The following DTNA variants were observed in gnomAD, a reference collection of about 807,000 sequenced individuals.
DTNA encodes dystrobrevin alpha.
Under a neutral mutation model 100.7 loss-of-function variants are expected in DTNA, and 43 were observed. That is an observed-to-expected ratio of 0.43 (90% confidence interval 0.33 to 0.55). The LOEUF is 0.55. DTNA is among the 20% of genes least tolerant of loss of function. The probability of loss-of-function intolerance (pLI) is 0.04; values close to 1 mark genes in which losing one functional copy is unlikely to be tolerated. For synonymous variants in DTNA, 349 were observed against 347.9 expected, an observed-to-expected ratio of 1.00 and a Z score of -0.04; for missense variants, 798 against 953.9, an observed-to-expected ratio of 0.84 and a Z score of 2.15.
chr18:34,848,957 A>G (rs952029606), intron 14 of DTNA, among the ~76,000 whole-genome samples: 1 of 152,180 alleles, frequency 6.6e-6, no homozygotes, highest in Admixed American at 6.5e-5. Flanking sequence ...CACCTCTCAC[A>G]TCAGATGTTG....
At chr18:34,786,244 T>A (rs1388920001) in intron 3 of DTNA, among the ~76,000 whole-genome samples, 1 of 152,214 alleles carries the variant, frequency 6.6e-6, no homozygotes, top group East Asian at 1.9e-4. Flanking sequence ...TCTCCATAAT[T>A]AACTTTTCTA....
chr18:34,574,192 A>T (rs1005336466), intron 1 of DTNA: 1 of 152,590 alleles, frequency 6.6e-6, no homozygotes, highest in Non-Finnish European at 1.5e-5. Context: ...CACCTCATCA[A>T]CTTTGGCCAA....
At chr18:34,772,556 T>C (rs935162784) in intron 3 of DTNA, among the ~76,000 whole-genome samples, 1 of 114,792 alleles carries the variant, frequency 8.7e-6, no homozygotes, top group African/African-American at 2.7e-5. Flanking sequence ...AGAACGCTGG[T>C]CTTATGTGGC....
In DTNA at chr18:34,818,155, C is replaced by G. The variant is rs1246909943; in HGVS notation, c.710-9C>G. On this transcript the variant is annotated splice_polypyrimidine_tract_variant and intron_variant, in intron 7 of 22. Transcript: ENST00000444659. ...TTTCTTGGTTTTTCTTCACTTACTT[C>G]CCCCTTAGTCTTCCATCCGGTTGAG... The G allele has an allele frequency of 6.2e-7, 1 of 1,613,898 alleles. No homozygotes were observed. The highest frequency in any genetic ancestry group is 1.1e-5 in the South Asian group (1 of 91,076).
chr18:34,732,578 C>G (rs1192643268), intron 1 of DTNA, among the ~76,000 whole-genome samples: 1 of 152,204 alleles, frequency 6.6e-6, no homozygotes, highest in Non-Finnish European at 1.5e-5. Flanking sequence ...GTTTTAGAAG[C>G]TTGGCTCAGG....
At position 34,738,182 on chromosome 18, in the gene DTNA, A is replaced by G. The variant is rs926393444; in HGVS notation, c.-1-17794A>G. 2.6e-5 allele frequency among the ~76,000 whole-genome samples: 4 copies of G among 152,310 alleles called. No individual in the cohort carries two copies. The East Asian group carries it at 7.8e-4, about 30-fold the overall frequency. On this transcript the variant is annotated intron_variant, in intron 1 of 22. Transcript: ENST00000444659. The stretch of plus-strand genomic sequence containing the variant: ...GGCCTGGGGGCCAGGTGGCTTGGAC[A>G]TACAAAGCCACTTTAAAGATTCGGG...
At chr18:34,556,458 C>A (rs1371999379) in intron 1 of DTNA, among the ~76,000 whole-genome samples, 1 of 150,814 alleles carries the variant, frequency 6.6e-6, no homozygotes, top group African/African-American at 2.4e-5. Context: ...GCAGTTTCTT[C>A]CTAGTCTCGA....
chr18:34,497,726 A>G (rs564141591), intron 1 of DTNA, among the ~76,000 whole-genome samples: 2 of 152,134 alleles, frequency 1.3e-5, no homozygotes, highest in Non-Finnish European at 2.9e-5. Flanking sequence ...CTTTATATGA[A>G]TACTTTTTGC....
chr18:34,562,214 A>G (rs909255018), intron 1 of DTNA, among the ~76,000 whole-genome samples: 1 of 152,246 alleles, frequency 6.6e-6, no homozygotes, highest in Non-Finnish European at 1.5e-5. Context: ...AAAAGAATAC[A>G]TACACATAAA....
intron 1 of DTNA, among the ~76,000 whole-genome samples, chr18:34,722,602 T>C (rs919999154): frequency 2.3e-5 from 3 of 132,418 alleles, no homozygotes; most frequent in African/African-American, 9.1e-5. Flanking sequence ...CATATATATA[T>C]ACATACACAC....
chr18:34,618,544 C>A (rs2055803639), intron 1 of DTNA, among the ~76,000 whole-genome samples: 1 of 152,126 alleles, frequency 6.6e-6, no homozygotes, highest in African/African-American at 2.4e-5. Flanking sequence ...GTCTCTCAAT[C>A]ATGTGTTATT....
At chr18:34,519,896 G>T (rs12326161) in intron 1 of DTNA, among the ~76,000 whole-genome samples, 2,521 of 152,204 alleles carry the variant, frequency 0.017, 59 homozygotes, top group African/African-American at 0.049. Context: ...AGGCACACCC[G>T]GGTTTAAGCC....
At chr18:34,674,624 A>C (rs2077174731) in intron 1 of DTNA, among the ~76,000 whole-genome samples, 1 of 152,192 alleles carries the variant, frequency 6.6e-6, no homozygotes, top group South Asian at 2.1e-4. Flanking sequence ...TAATCTGGTG[A>C]AATTATTTGA....
intron 3 of DTNA, among the ~76,000 whole-genome samples, chr18:34,772,620 T>G (rs1292419664): frequency 6.6e-6 from 1 of 152,244 alleles, no homozygotes; most frequent in Non-Finnish European, 1.5e-5. Flanking sequence ...TCCACTCATT[T>G]TTCTTCCAAC....
chr18:34,866,222 T>A (rs2096701854), intron 17 of DTNA: 1 of 1,612,758 alleles, frequency 6.2e-7, no homozygotes, highest in Non-Finnish European at 8.5e-7. Context: ...TAATGTATGT[T>A]CATGCTTCAG....
intron 8 of DTNA, chr18:34,818,597 AAAT>A (rs1375569391): frequency 7.7e-7 from 1 of 1,299,164 alleles, no homozygotes; most frequent in African/African-American, 1.5e-5. Flanking sequence ...GTACTGATTT[AAAT>A]AACAACTGAA....
chr18:34,841,195 G>A (rs934410052), intron 13 of DTNA, among the ~76,000 whole-genome samples: 11 of 152,104 alleles, frequency 7.2e-5, no homozygotes, highest in Non-Finnish European at 1.2e-4. Context: ...AAAAAGTGGG[G>A]CAGAGATTTT....
chr18:34,879,417 T>C (rs749341269), intron 19 of DTNA, 134 bp from the exon 20 acceptor site: 166 of 854,640 alleles, frequency 1.9e-4, no homozygotes, highest in Non-Finnish European at 1.8e-4. Flanking sequence ...ACAATAAAAA[T>C]GTATTTGATT....
chr18:34,561,520 A>C (rs996287249), intron 1 of DTNA, among the ~76,000 whole-genome samples: 1 of 152,144 alleles, frequency 6.6e-6, no homozygotes, highest in African/African-American at 2.4e-5. Flanking sequence ...AGTTGAAAAA[A>C]AGTAGTGGCT....
Sources: allele counts gnomAD v4.1 joint callset (sites outside exome capture counted in the v4.1 genomes callset), GRCh38; gene constraint gnomAD v4.1.1; transcripts MANE v1.5; gene names NCBI Gene and HGNC (gene_info 2026-07-23, HGNC 2026-07-21).